Variants in EPHA6 observed in about 807,000 individuals in gnomAD.
The protein encoded by EPHA6 is ephrin type-A receptor 6.
EPHA6 carries 50 observed loss-of-function variants against 112.0 expected under a neutral mutation model. That is an observed-to-expected ratio of 0.45 (90% CI 0.36 to 0.56). The LOEUF (loss-of-function observed/expected upper bound fraction) is 0.56, where lower values mean the gene tolerates loss of function less well. Ranked by LOEUF, EPHA6 falls within the 20% of genes least tolerant of loss-of-function variation. EPHA6 has a pLI of 0.00. For synonymous variants in EPHA6, 529 were observed against 490.7 expected, an observed-to-expected ratio of 1.08 and a Z score of -1.03; for missense variants, 1,280 against 1,417.4, an observed-to-expected ratio of 0.90 and a Z score of 1.56.
chr3:97,748,595 G>A lies in EPHA6; in HGVS notation c.3287G>A (p.Arg1096Lys), dbSNP rs1437219418. ...TCTCTCCTTTCTTTCAGTGACATTA[G>A]AAGAATTGGAGTCATACTTATTGGA... ...LISRMSIDDI[R>K]RIGVILIGHQ... Residue 1096 changes from arginine to lysine, a missense_variant, in exon 18 of 18, where the codon AGA becomes AAA. Transcript: ENST00000389672. The A allele has an allele frequency of 1.3e-6, 2 of 1,588,494 alleles. No homozygotes were observed. Among genetic ancestry groups the A allele is most frequent in the African/African-American group, 2.7e-5 (2 of 74,244 alleles).
intron 5 of EPHA6, among the ~76,000 whole-genome samples, chr3:97,318,144 T>C (rs1427154972): frequency 6.6e-6 from 1 of 151,888 alleles, no homozygotes; most frequent in Non-Finnish European, 1.5e-5. Flanking sequence ...GAAACACAAT[T>C]AAGCCATCAT....
intron 14 of EPHA6, among the ~76,000 whole-genome samples, chr3:97,717,126 G>C (rs2034278024): frequency 6.6e-6 from 1 of 151,610 alleles, no homozygotes; most frequent in Non-Finnish European, 1.5e-5. Flanking sequence ...AGCTACTCGG[G>C]AGGCTGAGGC....
chr3:97,588,202 G>C (rs937465263), intron 11 of EPHA6, among the ~76,000 whole-genome samples: 10 of 151,922 alleles, frequency 6.6e-5, no homozygotes, highest in South Asian at 4.2e-4. Flanking sequence ...GCACTCTGTT[G>C]GTATACCCCC....
intron 3 of EPHA6, among the ~76,000 whole-genome samples, chr3:97,068,391 G>A (rs570009635): frequency 3.2e-4 from 48 of 152,072 alleles, no homozygotes; most frequent in Admixed American, 7.2e-4. Context: ...AAACTTAAGC[G>A]CCTTTCTCTG....
intron 1 of EPHA6, among the ~76,000 whole-genome samples, chr3:96,827,367 T>A (rs1320038098): frequency 6.6e-6 from 1 of 152,132 alleles, no homozygotes; most frequent in African/African-American, 2.4e-5. Flanking sequence ...TGGAGGAGTT[T>A]ATGATTTTTA....
At chr3:97,377,772 T>C (rs556464707) in intron 5 of EPHA6, among the ~76,000 whole-genome samples, 2 of 152,152 alleles carry the variant, frequency 1.3e-5, no homozygotes, top group Non-Finnish European at 2.9e-5. Context: ...TTGTAGAACT[T>C]TGAACTTGAA....
intron 3 of EPHA6, among the ~76,000 whole-genome samples, chr3:97,050,909 T>C (rs1021380490): frequency 6.6e-6 from 1 of 152,180 alleles, no homozygotes; most frequent in African/African-American, 2.4e-5. Flanking sequence ...ATTCTCAGCA[T>C]AACCTTGGAA....
At chr3:97,721,147 T>C (rs2034509442) in intron 15 of EPHA6, among the ~76,000 whole-genome samples, 1 of 152,208 alleles carries the variant, frequency 6.6e-6, no homozygotes, top group African/African-American at 2.4e-5. Flanking sequence ...TATAAGATGG[T>C]TTCTGATACA....
At chr3:97,626,916 T>G (rs529149918) in intron 13 of EPHA6, among the ~76,000 whole-genome samples, 1 of 151,988 alleles carries the variant, frequency 6.6e-6, no homozygotes, top group South Asian at 2.1e-4. Flanking sequence ...AATGACAACT[T>G]CCAGATGTCC....
chr3:97,724,180 T>C (rs2034651954), intron 15 of EPHA6, among the ~76,000 whole-genome samples: 1 of 152,182 alleles, frequency 6.6e-6, no homozygotes, highest in Non-Finnish European at 1.5e-5. Flanking sequence ...GTTTAAGAAA[T>C]TTCAGATTGT....
At chr3:97,334,481 T>C (rs1393830860) in intron 5 of EPHA6, among the ~76,000 whole-genome samples, 24 of 147,626 alleles carry the variant, frequency 1.6e-4, no homozygotes, top group Admixed American at 1.3e-3. Flanking sequence ...TTTTCTTCTT[T>C]TTTTTTTTTT....
intron 14 of EPHA6, among the ~76,000 whole-genome samples, chr3:97,703,693 A>G (rs1188911119): frequency 2.0e-5 from 3 of 152,154 alleles, no homozygotes. Flanking sequence ...TGCCTCAATA[A>G]TGGATGAAGT....
intron 7 of EPHA6, among the ~76,000 whole-genome samples, chr3:97,451,246 A>G (rs1254820245): frequency 1.3e-5 from 2 of 151,994 alleles, no homozygotes; most frequent in African/African-American, 4.8e-5. Flanking sequence ...AATACATGCA[A>G]GACCCTATGC....
At chr3:97,039,663 G>A (rs1201447653) in intron 3 of EPHA6, among the ~76,000 whole-genome samples, 2 of 151,854 alleles carry the variant, frequency 1.3e-5, no homozygotes, top group African/African-American at 4.8e-5. Flanking sequence ...AAATATTCTG[G>A]AGAAATAAGA....
Position 97,750,141 on chromosome 3 carries a change from A to G in EPHA6, c.*1440A>G, listed in dbSNP as rs77473404. On this transcript the variant is annotated 3_prime_UTR_variant, in exon 18 of 18. Transcript: ENST00000389672. ...AAAAAAATGACGACTGTTTTAGGTG[A>G]AAGAGTAAGTAAAATGTGTTGAGAG... 0.039 allele frequency among the ~76,000 whole-genome samples: 5,878 copies of G among 152,230 alleles called. 205 individuals carry two copies. Among genetic ancestry groups the G allele is most frequent in the African/African-American group, 0.094 (3,923 of 41,520 alleles).
intron 5 of EPHA6, among the ~76,000 whole-genome samples, chr3:97,330,577 G>A (rs906943566): frequency 3.3e-5 from 5 of 151,724 alleles, no homozygotes; most frequent in African/African-American, 4.8e-5. Context: ...TCTCTTTGAA[G>A]CAGGCAGGGG....
At chr3:96,964,058 G>A (rs1386486394) in intron 2 of EPHA6, among the ~76,000 whole-genome samples, 1 of 152,002 alleles carries the variant, frequency 6.6e-6, no homozygotes, top group African/African-American at 2.4e-5. Context: ...TATATATTAT[G>A]GGTACATGAG....
rs572558051 is a variant in EPHA6, at chr3:97,427,334, A to G, written c.1732-21234A>G. On this transcript the variant is annotated intron_variant, in intron 6 of 17. Coordinates refer to ENST00000389672, the MANE Select transcript of EPHA6 (RefSeq NM_001080448.3). ...GAGTCAGTAAAAAATTATCATACAT[A>G]TACACCATGGAATACCATGCAGCCA... Among the ~76,000 whole-genome samples the G allele has an allele frequency of 2.6e-5, 4 of 152,348 alleles. No individual in the cohort carries two copies. The South Asian group carries it at 8.3e-4, about 32-fold the overall frequency.
chr3:97,096,684 G>T (rs1188416278), intron 3 of EPHA6, among the ~76,000 whole-genome samples: 1 of 151,764 alleles, frequency 6.6e-6, no homozygotes, highest in Non-Finnish European at 1.5e-5. Flanking sequence ...GTAAACTTTT[G>T]CCTATTTTAT....
Sources: gnomAD v4.1 joint callset for allele counts (sites outside exome capture counted in the v4.1 genomes callset) on GRCh38, gnomAD v4.1.1 for gene constraint, MANE v1.5 for transcripts, NCBI Gene and HGNC (gene_info 2026-07-23, HGNC 2026-07-21) for gene names.